Variants in TMTC2 observed in about 807,000 individuals in gnomAD.
The protein encoded by TMTC2 is protein O-mannosyl-transferase TMTC2.
In TMTC2, 43 loss-of-function variants were observed where a neutral mutation model predicts 82.4. The ratio of observed to expected loss-of-function variants is 0.52; its 90% confidence interval spans 0.41 to 0.67. The LOEUF (loss-of-function observed/expected upper bound fraction) is 0.67. Among genes scored for constraint, TMTC2 ranks in the 30% least tolerant of loss-of-function variants. The pLI is 0.00. For synonymous variants in TMTC2, 408 were observed against 381.9 expected (o/e 1.07, Z -0.80); for missense variants, 919 against 1,012.4 (o/e 0.91, Z 1.25).
At chr12:82,692,769 T>G (rs1872632265) in intron 1 of TMTC2, among the ~76,000 whole-genome samples, 1 of 152,176 alleles carries the variant, frequency 6.6e-6, no homozygotes, top group South Asian at 2.1e-4. Flanking sequence ...TTATTGAATG[T>G]AAAGACCTCT....
At chr12:82,938,911 T>C (rs1208893387) in intron 4 of TMTC2, among the ~76,000 whole-genome samples, 1 of 152,230 alleles carries the variant, frequency 6.6e-6, no homozygotes, top group Non-Finnish European at 1.5e-5. Flanking sequence ...TAAGCATTTA[T>C]ACATGTGGTT....
chr12:83,110,476 C>G (rs568259914), intron 11 of TMTC2, among the ~76,000 whole-genome samples: 1 of 152,190 alleles, frequency 6.6e-6, no homozygotes, highest in East Asian at 1.9e-4. Context: ...CTATAGCTTT[C>G]CATTTTCATT....
intron 11 of TMTC2, among the ~76,000 whole-genome samples, chr12:83,074,903 C>T (rs1489027375): frequency 1.3e-5 from 2 of 152,132 alleles, no homozygotes; most frequent in Non-Finnish European, 2.9e-5. Flanking sequence ...GCTTCATGCC[C>T]CATTCAGGTA....
At chr12:82,852,237 A>G (rs1233557580) in intron 1 of TMTC2, among the ~76,000 whole-genome samples, 1 of 151,542 alleles carries the variant, frequency 6.6e-6, no homozygotes, top group Non-Finnish European at 1.5e-5. Flanking sequence ...GAGTAGCTGG[A>G]ACTACAAGCG....
At chr12:82,865,523 G>A (rs888598246) in intron 2 of TMTC2, among the ~76,000 whole-genome samples, 3 of 152,096 alleles carry the variant, frequency 2.0e-5, no homozygotes, top group Non-Finnish European at 4.4e-5. Flanking sequence ...AGTCCTTAGA[G>A]ACCTACAAAG....
chr12:82,987,245 G>A lies in TMTC2; in HGVS notation c.2070+1199G>A, dbSNP rs531737161. Among the ~76,000 whole-genome samples the A allele has an allele frequency of 7.2e-5, 11 of 151,854 alleles. No individual in the cohort carries two copies. In the South Asian group the frequency reaches 1.0e-3, roughly 14 times the overall value. ...TCAAGACCAGCCTGGCCAACACGGC[G>A]AAACTCCGTCTCTACTAAAAATACA... On this transcript the variant is annotated intron_variant, in intron 8 of 11. Coordinates refer to ENST00000321196, the MANE Select transcript of TMTC2 (RefSeq NM_152588.3).
chr12:82,880,282 G>T (rs1703109), intron 2 of TMTC2, among the ~76,000 whole-genome samples: 6 of 151,934 alleles, frequency 3.9e-5, no homozygotes, highest in Admixed American at 6.5e-5. Flanking sequence ...TAAATAAAGC[G>T]TCTAGTACCT....
At chr12:82,730,391 A>G (rs895428842) in intron 1 of TMTC2, among the ~76,000 whole-genome samples, 10 of 150,230 alleles carry the variant, frequency 6.7e-5, no homozygotes, top group Admixed American at 4.0e-4. Context: ...TTCTTCTGCT[A>G]TTGGAATAAT....
At chr12:83,023,790 A>T (rs927641825) in intron 8 of TMTC2, among the ~76,000 whole-genome samples, 18 of 152,246 alleles carry the variant, frequency 1.2e-4, no homozygotes, top group African/African-American at 4.3e-4. Flanking sequence ...CCTTGGTGTC[A>T]CTTGATACAA....
At chr12:82,951,606 C>T (rs2137279894) in intron 4 of TMTC2, among the ~76,000 whole-genome samples, 1 of 152,268 alleles carries the variant, frequency 6.6e-6, no homozygotes, top group Admixed American at 6.5e-5. Context: ...CAGGTGTGAG[C>T]CACTGCGCCC....
chr12:82,877,852 A>G (rs1453207113), intron 2 of TMTC2, among the ~76,000 whole-genome samples: 1 of 152,176 alleles, frequency 6.6e-6, no homozygotes, highest in Non-Finnish European at 1.5e-5. Context: ...AAACAAAATC[A>G]AACTGTTAAA....
chr12:82,957,892 C>T (rs1190155867), intron 4 of TMTC2, among the ~76,000 whole-genome samples: 1 of 151,964 alleles, frequency 6.6e-6, no homozygotes, highest in Admixed American at 6.6e-5. Context: ...AAAACAAAAA[C>T]TTACCTACCA....
intron 4 of TMTC2, among the ~76,000 whole-genome samples, chr12:82,940,692 C>T (rs1345674091): frequency 6.6e-6 from 1 of 151,736 alleles, no homozygotes; most frequent in East Asian, 1.9e-4. Context: ...CCCTTCTGAC[C>T]TCTTTCCACC....
chr12:83,028,992 G>A (rs1881300290), intron 8 of TMTC2, among the ~76,000 whole-genome samples: 1 of 152,152 alleles, frequency 6.6e-6, no homozygotes, highest in African/African-American at 2.4e-5. Flanking sequence ...TAAATTGATA[G>A]AAGAAATGAG....
chr12:82,705,267 T>C (rs1028064122), intron 1 of TMTC2, among the ~76,000 whole-genome samples: 1 of 152,162 alleles, frequency 6.6e-6, no homozygotes, highest in Non-Finnish European at 1.5e-5. Flanking sequence ...CATCAAAATC[T>C]CACACATCAC....
chr12:82,740,601 C>G (rs924835913), intron 1 of TMTC2, among the ~76,000 whole-genome samples: 2 of 152,186 alleles, frequency 1.3e-5, no homozygotes, highest in African/African-American at 2.4e-5. Context: ...TCATTAGAAC[C>G]TTCCCTGCTG....
At chr12:82,783,846 T>C (rs1469173830) in intron 1 of TMTC2, among the ~76,000 whole-genome samples, 10 of 152,176 alleles carry the variant, frequency 6.6e-5, no homozygotes, top group Admixed American at 6.5e-4. Flanking sequence ...GCAATCAACC[T>C]CAAATGGTTC....
At chr12:82,799,235 A>T (rs1878877047) in intron 1 of TMTC2, among the ~76,000 whole-genome samples, 1 of 152,134 alleles carries the variant, frequency 6.6e-6, no homozygotes, top group Non-Finnish European at 1.5e-5. Context: ...TTAGATTGTT[A>T]CGGACTGAGG....
intron 1 of TMTC2, among the ~76,000 whole-genome samples, chr12:82,823,543 G>A (rs772931726): frequency 5.3e-5 from 8 of 152,140 alleles, no homozygotes; most frequent in Admixed American, 3.3e-4. Context: ...TGTTTAGCTT[G>A]TTAGTATTTC....
Sources: gnomAD v4.1 joint callset for allele counts (sites outside exome capture counted in the v4.1 genomes callset) on GRCh38, gnomAD v4.1.1 for gene constraint, MANE v1.5 for transcripts, NCBI Gene and HGNC (gene_info 2026-07-23, HGNC 2026-07-21) for gene names.